The following BCAS3 variants were observed in gnomAD, a reference collection of about 807,000 sequenced individuals.
The protein encoded by BCAS3 is BCAS3 microtubule associated cell migration factor.
A neutral mutation model predicts 116.1 loss-of-function variants in BCAS3; 53 were observed. The ratio of observed to expected loss-of-function variants is 0.46; its 90% CI spans 0.37 to 0.57. BCAS3 has a LOEUF of 0.57. Among genes scored for constraint, BCAS3 ranks in the 20% least tolerant of loss-of-function variants. The probability of loss-of-function intolerance (pLI) is 0.00; values close to 1 mark genes in which losing one functional copy is unlikely to be tolerated. For synonymous variants in BCAS3, 391 were observed against 408.2 expected, an observed-to-expected ratio of 0.96 and a Z score of 0.51; for missense variants, 917 against 1,165.4, an observed-to-expected ratio of 0.79 and a Z score of 3.10.
chr17:60,753,386 TA>T (rs1339107271), intron 6 of BCAS3, among the ~76,000 whole-genome samples: 5 of 119,850 alleles, frequency 4.2e-5, no homozygotes, highest in African/African-American at 2.0e-4. Context: ...TCTCTTATTT[TA>T]TTTATTTATT....
chr17:60,894,626 G>A (rs979115450), intron 10 of BCAS3, among the ~76,000 whole-genome samples: 2 of 152,282 alleles, frequency 1.3e-5, no homozygotes, highest in East Asian at 1.9e-4. Flanking sequence ...GGTGAAGTTG[G>A]CATCCTTGTC....
At chr17:60,693,414 T>G (rs1381077501) in intron 4 of BCAS3, among the ~76,000 whole-genome samples, 1 of 151,662 alleles carries the variant, frequency 6.6e-6, no homozygotes, top group Non-Finnish European at 1.5e-5. Flanking sequence ...GGCCAGTTTT[T>G]GTATTTTTTT....
intron 12 of BCAS3, among the ~76,000 whole-genome samples, chr17:60,919,819 AGAT>A (rs2058980242): frequency 2.0e-5 from 3 of 152,198 alleles, no homozygotes; most frequent in Admixed American, 2.0e-4. Context: ...AACCTGAAAT[AGAT>A]GATAAGTTAA....
intron 13 of BCAS3, among the ~76,000 whole-genome samples, chr17:60,943,402 A>C (rs1351896611): frequency 6.6e-6 from 1 of 152,154 alleles, no homozygotes; most frequent in Non-Finnish European, 1.5e-5. Context: ...AATATATACC[A>C]TGCAAGTACC....
In BCAS3 at chr17:61,074,966, C is replaced by T. The variant is rs768563343; in HGVS notation, c.2076C>T (p.Tyr692=). 9.0e-5 allele frequency: 145 copies of T among 1,613,610 alleles called. 1 individual carries two copies. In the South Asian group the frequency reaches 1.3e-3, roughly 15 times the overall value. The stretch of plus-strand genomic sequence containing the variant: ...GGCCCATTACTCGACATGGGTCTTA[C>T]GACAGTTTAGCTTCTGACCATAGTG... ...SPGPITRHGS[Y]DSLASDHSGQ... is the part of the protein sequence containing the mutation. Residue 692 remains tyrosine (Y), a synonymous_variant, in exon 20 of 24, where the codon TAC becomes TAT. Transcript: ENST00000407086.
Position 61,302,683 on chromosome 17 carries a change from A to T in BCAS3, c.2426-65644A>T, listed in dbSNP as rs906555306. On this transcript the variant is annotated intron_variant, in intron 22 of 23. Transcript: ENST00000407086. The surrounding 1 kb of genome is among the most constrained non-coding windows in gnomAD (Gnocchi z 4.4). ...TGAGTGACAGAATTCTAGAATTCATATTTTTTTTTCAGCTTTGAAAGAACA... is the reference window on the plus strand; with the variant it reads ...TGAGTGACAGAATTCTAGAATTCATTTTTTTTTTTCAGCTTTGAAAGAACA... Among the ~76,000 whole-genome samples the T allele has an allele frequency of 5.9e-5, 9 of 151,520 alleles. No homozygotes were observed. The highest frequency in any genetic ancestry group is 1.3e-4 in the Admixed American group (2 of 15,184).
chr17:60,728,047 G>T (rs188901852), intron 5 of BCAS3, among the ~76,000 whole-genome samples: 6 of 152,098 alleles, frequency 3.9e-5, no homozygotes, highest in Middle Eastern at 3.4e-3. Context: ...GACCTCAAGT[G>T]ATCTGCCCAC....
Position 61,098,612 on chromosome 17 carries a change from T to C in BCAS3, c.2425+14048T>C, listed in dbSNP as rs1027024412. Among the ~76,000 whole-genome samples, 6 of 152,170 alleles carry C rather than the reference T, an allele frequency of 3.9e-5. No individual in the cohort carries two copies. The highest frequency in any genetic ancestry group is 8.8e-5 in the Non-Finnish European group (6 of 68,028). On this transcript the variant is annotated intron_variant, in intron 22 of 23. Transcript: ENST00000407086. This position sits in a 1 kb window ranked among gnomAD's most constrained non-coding sequence, Gnocchi z 4.2. ...CTTTTCCTGCAATTAAGTGGTATGC[T>C]GCAAAAAGGAATTCGGTTAGCAGAT...
intron 15 of BCAS3, among the ~76,000 whole-genome samples, chr17:60,998,872 T>G (rs2064024710): frequency 6.6e-6 from 1 of 152,160 alleles, no homozygotes; most frequent in Non-Finnish European, 1.5e-5. Context: ...GAGGGCTTAG[T>G]CATAAATTCT....
At position 60,995,228 on chromosome 17, in the gene BCAS3, C is replaced by G. The variant is rs1390932945; in HGVS notation, c.1486+4993C>G. Among the ~76,000 whole-genome samples the G allele has an allele frequency of 1.3e-5, 2 of 152,188 alleles. No homozygotes were observed. The highest frequency in any genetic ancestry group is 4.8e-5 in the African/African-American group (2 of 41,450). On this transcript the variant is annotated intron_variant, in intron 15 of 23. Transcript: ENST00000407086. The surrounding 1 kb of genome is among the most constrained non-coding windows in gnomAD (Gnocchi z 4.7). ...AGTGCAGTGGTGCAATCTTGGCTTG[C>G]TGCAACCTCCACCTCCCGGGTTCAA...
rs2076139325 is a variant in BCAS3 at position 61,128,083 on chromosome 17, A to G, written c.2425+43519A>G. 1 of 583,130 alleles carries G rather than the reference A, an allele frequency of 1.7e-6. No homozygotes were observed. Among genetic ancestry groups the G allele is most frequent in the Non-Finnish European group, 2.2e-6 (1 of 463,076 alleles). The allele number at this position is 583,130 out of a possible 1,614,324, so 36.1% of individuals were successfully genotyped here. ...AATGTGATTAAGGAGTTTGAATGTA[A>G]TTACCCAAAGTTTGGCTTTTCTTTT... On this transcript the variant is annotated intron_variant, in intron 22 of 23. Coordinates refer to ENST00000407086, the MANE Select transcript of BCAS3 (RefSeq NM_017679.5). This position sits in a 1 kb window ranked among gnomAD's most constrained non-coding sequence, Gnocchi z 4.1.
At chr17:61,312,112 G>A (rs967460583) in intron 22 of BCAS3, among the ~76,000 whole-genome samples, 3 of 152,216 alleles carry the variant, frequency 2.0e-5, no homozygotes, top group Admixed American at 6.5e-5. Context: ...GCCCTAGGCC[G>A]TCAGTAAGAG....
chr17:60,935,637 T>C (rs983570414), intron 13 of BCAS3, among the ~76,000 whole-genome samples: 1 of 152,194 alleles, frequency 6.6e-6, no homozygotes, highest in Non-Finnish European at 1.5e-5. Flanking sequence ...CAACATATGC[T>C]CATATACCCA....
Position 61,197,000 on chromosome 17 carries a change from G to A in BCAS3, c.2425+112436G>A, listed in dbSNP as rs1350262874. 1.3e-5 allele frequency among the ~76,000 whole-genome samples: 2 copies of A among 152,132 alleles called. No individual in the cohort carries two copies. Among genetic ancestry groups the A allele is most frequent in the African/African-American group, 4.8e-5 (2 of 41,414 alleles). ...CCCAGAATTTTATCCAAGGGATAGG[G>A]TTCATTTTTGTAATTTGATTTACTT... On this transcript the variant is annotated intron_variant, in intron 22 of 23. Transcript: ENST00000407086. The surrounding 1 kb of genome is among the most constrained non-coding windows in gnomAD (Gnocchi z 4.7).
chr17:60,709,504 C>T, intron 5 of BCAS3, 179 bp downstream of exon 5: 2 of 447,694 alleles, frequency 4.5e-6, no homozygotes, highest in Non-Finnish European at 8.1e-6. Flanking sequence ...ATTCTCCTGC[C>T]TCAACCTCCC....
rs529063886 is a variant in BCAS3 at position 61,184,232 on chromosome 17, A to G, written c.2425+99668A>G. Among the ~76,000 whole-genome samples, 30 of 152,306 alleles carry G rather than the reference A, an allele frequency of 2.0e-4. 1 individual carries two copies. The highest frequency in any genetic ancestry group is 1.8e-3 in the Admixed American group (28 of 15,304). On this transcript the variant is annotated intron_variant, in intron 22 of 23. Coordinates refer to ENST00000407086, the MANE Select transcript of BCAS3 (RefSeq NM_017679.5). ...TTCCTAAGTACCTTGAATAATGAGA[A>G]TAGATTGTCATTGATAAAGTAATTG...
chr17:61,267,575 T>TA (rs2049841914), intron 22 of BCAS3, among the ~76,000 whole-genome samples: 2 of 149,980 alleles, frequency 1.3e-5, no homozygotes, highest in Admixed American at 6.6e-5. Flanking sequence ...CTGTCTCTAC[T>TA]AAAATACAAA....
chr17:61,173,719 A>C (rs1476518621), intron 22 of BCAS3, among the ~76,000 whole-genome samples: 2 of 152,068 alleles, frequency 1.3e-5, no homozygotes, highest in South Asian at 4.2e-4. Flanking sequence ...CCTCTATAAA[A>C]CAATTTTAGA....
intron 11 of BCAS3, among the ~76,000 whole-genome samples, chr17:60,909,475 T>G (rs1241652970): frequency 6.6e-6 from 1 of 152,170 alleles, no homozygotes; most frequent in Non-Finnish European, 1.5e-5. Context: ...AATATTTTAA[T>G]GAAACTTTTT....
Sources: allele counts gnomAD v4.1 joint callset (sites outside exome capture counted in the v4.1 genomes callset), GRCh38; gene constraint gnomAD v4.1.1; non-coding constraint Gnocchi (gnomAD v3.1); transcripts MANE v1.5; gene names NCBI Gene and HGNC (gene_info 2026-07-23, HGNC 2026-07-21).